Variants in SNTG1 observed in about 807,000 individuals in gnomAD.
SNTG1 encodes the protein gamma-1-syntrophin.
A neutral mutation model predicts 74.7 loss-of-function variants in SNTG1; 39 were observed. The ratio of observed to expected loss-of-function variants is 0.52; its 90% confidence interval spans 0.40 to 0.68. The LOEUF (loss-of-function observed/expected upper bound fraction) is 0.68, where lower values mean the gene tolerates loss of function less well. SNTG1 is among the 30% of genes least tolerant of loss of function. The pLI is 0.00. For missense variants in SNTG1, 685 were observed against 609.5 expected (o/e 1.12, Z -1.30); for synonymous variants, 254 against 217.1 (o/e 1.17, Z -1.49).
intron 13 of SNTG1, among the ~76,000 whole-genome samples, chr8:50,638,353 G>C (rs1441627484): frequency 6.6e-6 from 1 of 152,092 alleles, no homozygotes; most frequent in Non-Finnish European, 1.5e-5. Context: ...AATGAATTCA[G>C]ACTTAAGTGT....
chr8:50,223,630 A>G (rs1465390800), intron 2 of SNTG1, among the ~76,000 whole-genome samples: 1 of 152,120 alleles, frequency 6.6e-6, no homozygotes, highest in Admixed American at 6.5e-5. Flanking sequence ...GAAATGCATC[A>G]CTTAGGAAAC....
chr8:50,215,092 G>T (rs1323857242), intron 2 of SNTG1, among the ~76,000 whole-genome samples: 3 of 152,024 alleles, frequency 2.0e-5, no homozygotes, highest in African/African-American at 4.8e-5. Context: ...CCACCAGATG[G>T]CCACATGTGC....
intron 2 of SNTG1, among the ~76,000 whole-genome samples, chr8:50,327,647 G>A (rs2090802779): frequency 6.6e-6 from 1 of 152,036 alleles, no homozygotes; most frequent in Admixed American, 6.6e-5. Flanking sequence ...TTAGACCATT[G>A]ACATTATACT....
intron 3 of SNTG1, among the ~76,000 whole-genome samples, chr8:50,397,294 A>AGAG (rs902338120): frequency 6.6e-6 from 1 of 152,240 alleles, no homozygotes; most frequent in Admixed American, 6.5e-5. Context: ...AGAAAGAAGA[A>AGAG]GATTCATGTC....
intron 2 of SNTG1, among the ~76,000 whole-genome samples, chr8:50,201,042 T>G (rs1368083954): frequency 2.0e-5 from 3 of 152,138 alleles, no homozygotes; most frequent in African/African-American, 7.2e-5. Flanking sequence ...TAAAACTTTC[T>G]CTAACATCAT....
At chr8:50,265,901 C>T (rs2087440745) in intron 2 of SNTG1, among the ~76,000 whole-genome samples, 2 of 151,736 alleles carry the variant, frequency 1.3e-5, no homozygotes, top group Admixed American at 1.3e-4. Flanking sequence ...AAAACATATA[C>T]AGTGAAAACT....
chr8:50,387,352 A>G (rs1269640652), intron 2 of SNTG1, among the ~76,000 whole-genome samples: 3 of 152,148 alleles, frequency 2.0e-5, no homozygotes, highest in Non-Finnish European at 4.4e-5. Context: ...CGAAAGGTGC[A>G]TTCTCTGGGC....
intron 11 of SNTG1, among the ~76,000 whole-genome samples, chr8:50,551,851 A>T (rs1290416325): frequency 6.6e-6 from 1 of 152,162 alleles, no homozygotes; most frequent in Admixed American, 6.6e-5. Flanking sequence ...TTCTCTAAAA[A>T]TATTAATAAT....
At chr8:50,390,304 C>T (rs1223627671) in intron 2 of SNTG1, among the ~76,000 whole-genome samples, 1 of 152,174 alleles carries the variant, frequency 6.6e-6, no homozygotes, top group African/African-American at 2.4e-5. Context: ...CTACATATAG[C>T]TAGCCAGTTT....
intron 1 of SNTG1, among the ~76,000 whole-genome samples, chr8:50,140,966 C>A (rs1283624254): frequency 1.3e-5 from 2 of 152,124 alleles, no homozygotes; most frequent in Non-Finnish European, 2.9e-5. Flanking sequence ...TGTCTGGTTT[C>A]CAAAGCAACG....
Position 50,124,717 on chromosome 8 carries a change from G to C in SNTG1, c.-102-47844G>C, listed in dbSNP as rs957595832. Among the ~76,000 whole-genome samples, 3 of 140,836 alleles carry C rather than the reference G, an allele frequency of 2.1e-5. 1 individual carries two copies. The highest frequency in any genetic ancestry group is 7.7e-5 in the African/African-American group (3 of 39,074). 92.4% of individuals were successfully genotyped at this position (140,836 alleles called of 152,430 possible). On this transcript the variant is annotated intron_variant, in intron 1 of 18. Coordinates refer to ENST00000642720, the MANE Select transcript of SNTG1 (RefSeq NM_018967.5). ...TTCCCATGCCAAATTACCTCCAAGG[G>C]CTTTCCCTGCTTCTGCTTGTGCTAG...
chr8:50,129,079 T>C (rs10106151), intron 1 of SNTG1, among the ~76,000 whole-genome samples: 16,503 of 152,082 alleles, frequency 0.11, 2,942 homozygotes, highest in African/African-American at 0.37. Context: ...TAAAATTGCA[T>C]ATATCTTAAC....
chr8:50,636,044 G>A (rs1355645802), intron 13 of SNTG1, among the ~76,000 whole-genome samples: 3 of 151,766 alleles, frequency 2.0e-5, no homozygotes, highest in Non-Finnish European at 4.4e-5. Flanking sequence ...TAATGCAGCA[G>A]GTTCTCTTTT....
At chr8:50,411,468 C>T (rs1005539577) in intron 4 of SNTG1, among the ~76,000 whole-genome samples, 5 of 149,694 alleles carry the variant, frequency 3.3e-5, no homozygotes, top group African/African-American at 1.2e-4. Flanking sequence ...AATAAAAAGA[C>T]TCCATCTCAA....
At chr8:50,438,476 A>T in intron 4 of SNTG1, 67 bp from the exon 5 acceptor site, 1 of 1,437,506 alleles carries the variant, frequency 7.0e-7, no homozygotes, top group Admixed American at 1.8e-5. Flanking sequence ...CCAAAAAAAC[A>T]ACAAAAAATG....
intron 9 of SNTG1, among the ~76,000 whole-genome samples, chr8:50,508,079 C>CCA (rs200373270): frequency 0.04 from 6,125 of 152,096 alleles, 410 homozygotes; most frequent in African/African-American, 0.14. Context: ...TCCCCACTCC[C>CCA]CTCAACAGGC....
rs544787488 is a variant in SNTG1, at chr8:50,231,196, G to T, written c.-28+58561G>T. On this transcript the variant is annotated intron_variant, in intron 2 of 18. Coordinates refer to ENST00000642720, the MANE Select transcript of SNTG1 (RefSeq NM_018967.5). The stretch of plus-strand genomic sequence containing the variant: ...ACCACTATGAGATATGGCCTTATTT[G>T]TATTAGAATGGTTGTTATTAAAGAA... Among the ~76,000 whole-genome samples the T allele has an allele frequency of 2.0e-5, 3 of 151,272 alleles. No homozygotes were observed. In the South Asian group the frequency reaches 6.2e-4, roughly 31 times the overall value.
chr8:50,459,172 G>A (rs1247495390), intron 8 of SNTG1, among the ~76,000 whole-genome samples: 2 of 152,112 alleles, frequency 1.3e-5, no homozygotes, highest in African/African-American at 2.4e-5. Context: ...TGTTGAAAAT[G>A]AGTTGCCCTA....
At chr8:50,354,146 C>G (rs1366421579) in intron 2 of SNTG1, among the ~76,000 whole-genome samples, 1 of 152,202 alleles carries the variant, frequency 6.6e-6, no homozygotes, top group Non-Finnish European at 1.5e-5. Context: ...TTCTGCATTC[C>G]TGCTGATGGA....
Sources: allele counts gnomAD v4.1 joint callset (sites outside exome capture counted in the v4.1 genomes callset), GRCh38; gene constraint gnomAD v4.1.1; transcripts MANE v1.5; gene names NCBI Gene and HGNC (gene_info 2026-07-23, HGNC 2026-07-21).